LHFPL6: variants seen among roughly 807,000 people sequenced by gnomAD.
LHFPL6 encodes LHFPL tetraspan subfamily member 6.
A neutral mutation model predicts 20.6 loss-of-function variants in LHFPL6; 9 were observed. That is an observed-to-expected ratio of 0.44 (90% CI 0.26 to 0.76). LHFPL6 has a LOEUF of 0.76. LHFPL6 is among the 30% of genes least tolerant of loss of function. The pLI, the probability that LHFPL6 is intolerant of heterozygous loss-of-function variation, is 0.20. For synonymous variants in LHFPL6, 105 were observed against 98.7 expected (o/e 1.06, Z -0.38); for missense variants, 218 against 253.5 (o/e 0.86, Z 0.95).
At chr13:39,409,718 C>A (rs1871206390) in intron 2 of LHFPL6, among the ~76,000 whole-genome samples, 1 of 151,954 alleles carries the variant, frequency 6.6e-6, no homozygotes, top group African/African-American at 2.4e-5. Context: ...GTAAAACTTA[C>A]CAGAATGTCT....
chr13:39,590,897 C>T (rs540942835), intron 2 of LHFPL6, among the ~76,000 whole-genome samples: 19 of 152,336 alleles, frequency 1.2e-4, no homozygotes, highest in South Asian at 1.0e-3. Context: ...TCCATACTGA[C>T]CATGGCCTCA....
chr13:39,443,614 C>G lies in LHFPL6; in HGVS notation c.386-65088G>C, dbSNP rs113518819. On this transcript the variant is annotated intron_variant, in intron 2 of 3. Transcript: ENST00000379589. The stretch of plus-strand genomic sequence containing the variant: ...CTGTAGGAGAACCTAAATCTTCCTA[C>G]GGATTACTTAACTGGTCATGGTCAG... 2.2e-3 allele frequency among the ~76,000 whole-genome samples: 341 copies of G among 151,974 alleles called. 1 individual carries two copies. The highest frequency in any genetic ancestry group is 7.5e-3 in the African/African-American group (310 of 41,426).
chr13:39,436,030 T>TA (rs1294675364), intron 2 of LHFPL6, among the ~76,000 whole-genome samples: 1 of 151,488 alleles, frequency 6.6e-6, no homozygotes, highest in Non-Finnish European at 1.5e-5. Context: ...TTTAAATTAA[T>TA]AAATATATAA....
At chr13:39,430,802 C>A (rs1871773932) in intron 2 of LHFPL6, among the ~76,000 whole-genome samples, 1 of 152,176 alleles carries the variant, frequency 6.6e-6, no homozygotes, top group Non-Finnish European at 1.5e-5. Flanking sequence ...TAAAAATGGA[C>A]CAATCAGCAC....
At chr13:39,490,253 C>T (rs1868876514) in intron 2 of LHFPL6, among the ~76,000 whole-genome samples, 1 of 152,140 alleles carries the variant, frequency 6.6e-6, no homozygotes, top group African/African-American at 2.4e-5. Flanking sequence ...GCAGGAATTG[C>T]AGGAATTTCT....
At chr13:39,552,951 C>A (rs2138513402) in intron 2 of LHFPL6, among the ~76,000 whole-genome samples, 1 of 151,162 alleles carries the variant, frequency 6.6e-6, no homozygotes, top group Admixed American at 6.6e-5. Flanking sequence ...CTTTGGGATA[C>A]CTTACTTGCA....
At chr13:39,541,398 A>G (rs1566136795) in intron 2 of LHFPL6, among the ~76,000 whole-genome samples, 1 of 152,178 alleles carries the variant, frequency 6.6e-6, no homozygotes, top group Non-Finnish European at 1.5e-5. Context: ...AGCTCTCCAC[A>G]GGCCCTCCCC....
intron 1 of LHFPL6, among the ~76,000 whole-genome samples, chr13:39,602,026 A>ATTTTTGAGTCTGCAGTTT (rs1872967936): frequency 6.6e-6 from 1 of 152,186 alleles, no homozygotes; most frequent in African/African-American, 2.4e-5. Context: ...ATGCCTGTGT[A>ATTTTTGAGTCTGCAGTTT]TGACTTATTT....
chr13:39,394,155 G>A (rs1354386713), intron 2 of LHFPL6, among the ~76,000 whole-genome samples: 12 of 152,116 alleles, frequency 7.9e-5, no homozygotes, highest in African/African-American at 2.9e-4. Flanking sequence ...GCCCAGGCTG[G>A]TCTCAAACTC....
At chr13:39,363,253 C>T (rs1869925297) in intron 3 of LHFPL6, among the ~76,000 whole-genome samples, 1 of 152,054 alleles carries the variant, frequency 6.6e-6, no homozygotes, top group Non-Finnish European at 1.5e-5. Context: ...CAGGACAGAG[C>T]CTCTTTTAAA....
intron 2 of LHFPL6, among the ~76,000 whole-genome samples, chr13:39,469,675 T>C (rs74044070): frequency 8.8e-4 from 134 of 152,348 alleles, no homozygotes; most frequent in African/African-American, 3.0e-3. Flanking sequence ...AATAAACTTG[T>C]AGTAGATGTT....
chr13:39,372,064 T>C (rs916617680), intron 3 of LHFPL6, among the ~76,000 whole-genome samples: 1 of 152,068 alleles, frequency 6.6e-6, no homozygotes, highest in Non-Finnish European at 1.5e-5. Context: ...CTGGAAAACA[T>C]CTTTGAGCTC....
At chr13:39,483,598 C>T (rs1043278495) in intron 2 of LHFPL6, among the ~76,000 whole-genome samples, 1 of 151,356 alleles carries the variant, frequency 6.6e-6, no homozygotes, top group Non-Finnish European at 1.5e-5. Flanking sequence ...GCTATAGATT[C>T]CTTTTCCTTT....
chr13:39,572,847 C>A (rs1245491835), intron 2 of LHFPL6, among the ~76,000 whole-genome samples: 1 of 152,182 alleles, frequency 6.6e-6, no homozygotes, highest in Non-Finnish European at 1.5e-5. Flanking sequence ...AAATACCAGT[C>A]AATGACCATT....
rs191338703 is a variant in LHFPL6, at chr13:39,555,373, G to A, written c.385+45459C>T. On this transcript the variant is annotated intron_variant, in intron 2 of 3. Coordinates refer to ENST00000379589, the MANE Select transcript of LHFPL6 (RefSeq NM_005780.3). ...GCTGTGAAATTAAGAAAGAAAATAA[G>A]GTGCTACCAGAACTCATGCGATAGC... Among the ~76,000 whole-genome samples, 5 of 145,048 alleles carry A rather than the reference G, an allele frequency of 3.4e-5. No individual in the cohort carries two copies. The East Asian group carries it at 1.0e-3, about 30-fold the overall frequency.
At chr13:39,516,185 A>G (rs577191693) in intron 2 of LHFPL6, among the ~76,000 whole-genome samples, 4 of 152,348 alleles carry the variant, frequency 2.6e-5, no homozygotes, top group African/African-American at 9.6e-5. Context: ...CTCAAGCAAC[A>G]AAAATCTAAC....
intron 3 of LHFPL6, among the ~76,000 whole-genome samples, chr13:39,352,909 A>ATGTATATATATG (rs71077229): frequency 0.21 from 8,951 of 41,918 alleles, 3,258 homozygotes; most frequent in East Asian, 0.32. Context: ...ATATATATAA[A>ATGTATATATATG]TGTATATATA....
chr13:39,594,857 G>A (rs558940343), intron 2 of LHFPL6, among the ~76,000 whole-genome samples: 1 of 152,016 alleles, frequency 6.6e-6, no homozygotes, highest in Non-Finnish European at 1.5e-5. Flanking sequence ...CTCAGCAAAC[G>A]ATCGCAAGGA....
intron 2 of LHFPL6, among the ~76,000 whole-genome samples, chr13:39,455,838 A>G (rs1360415059): frequency 6.6e-6 from 1 of 152,260 alleles, no homozygotes; most frequent in Admixed American, 6.5e-5. Context: ...TGTTGTTTAC[A>G]TGAACAAAAC....
Sources: gnomAD v4.1 joint callset for allele counts (sites outside exome capture counted in the v4.1 genomes callset) on GRCh38, gnomAD v4.1.1 for gene constraint, MANE v1.5 for transcripts, NCBI Gene and HGNC (gene_info 2026-07-23, HGNC 2026-07-21) for gene names.